Variants in TSGA10IP observed in about 807,000 individuals in gnomAD.
TSGA10IP encodes the protein testis-specific protein 10-interacting protein.
Under a neutral mutation model 63.2 loss-of-function variants are expected in TSGA10IP, and 64 were observed. That is an observed-to-expected ratio of 1.01 (90% CI 0.83 to 1.25). The LOEUF (loss-of-function observed/expected upper bound fraction) is 1.25. TSGA10IP is among the 50% of genes most tolerant of loss of function. The probability of loss-of-function intolerance (pLI) is 0.00; values close to 1 mark genes in which losing one functional copy is unlikely to be tolerated. For missense variants in TSGA10IP, 681 were observed against 710.1 expected (o/e 0.96, Z 0.47); for synonymous variants, 316 against 298.3 (o/e 1.06, Z -0.61).
chr11:65,953,754 T>A lies in TSGA10IP; in HGVS notation c.1322+17T>A. 1 of 1,496,480 alleles carries A rather than the reference T, an allele frequency of 6.7e-7. No individual in the cohort carries two copies. 92.7% of individuals were successfully genotyped at this position (1,496,480 alleles called of 1,614,324 possible). A position where few individuals can be genotyped will look rare whatever the true frequency, so the allele number is the denominator to read the frequency against. On this transcript the variant is annotated intron_variant, in intron 5 of 7. Transcript: ENST00000532620. ...GGAGCTGAGGTAGGGAGCCTGGGCT[T>A]CGGGAGGCCTGGTTGGGAGAGGGCA...
rs753805421 is a variant in TSGA10IP at position 65,959,768 on chromosome 11, C to T, written c.1548-49C>T. The stretch of plus-strand genomic sequence containing the variant: ...CCACATTGTCAGTGGTTTCCTTGGG[C>T]ATGGGGGTGGGAGCTGCAGAGTCAG... On this transcript the variant is annotated intron_variant, in intron 7 of 7. Coordinates refer to ENST00000532620, the Ensembl canonical transcript of TSGA10IP. 38 of 1,517,008 alleles carry T rather than the reference C, an allele frequency of 2.5e-5. No homozygotes were observed. The African/African-American group carries it at 4.7e-4, about 19-fold the overall frequency. The allele number at this position is 1,517,008 out of a possible 1,614,324, so 94.0% of individuals were successfully genotyped here. A position where few individuals can be genotyped will look rare whatever the true frequency, so the allele number is the denominator to read the frequency against.
At chr11:65,948,738 C>G (rs903458248) in intron 4 of TSGA10IP, among the ~76,000 whole-genome samples, 1 of 152,180 alleles carries the variant, frequency 6.6e-6, no homozygotes, top group Non-Finnish European at 1.5e-5. Context: ...CTTTGGGAGG[C>G]CAAGGCGTGT....
At chr11:65,959,240 A>G in exon 7 of TSGA10IP, 1 of 1,609,480 alleles carries the variant, frequency 6.2e-7, no homozygotes, top group Non-Finnish European at 8.5e-7. Context: ...TGCTGTCAGC[A>G]CTGGGGCTGG....
At chr11:65,950,344 G>A (rs1221070403) in intron 4 of TSGA10IP, among the ~76,000 whole-genome samples, 1 of 152,042 alleles carries the variant, frequency 6.6e-6, no homozygotes, top group Non-Finnish European at 1.5e-5. Flanking sequence ...AACCCAGTGA[G>A]GACTTGGTAA....
chr11:65,952,437 G>T (rs1313116037), intron 4 of TSGA10IP, among the ~76,000 whole-genome samples: 1 of 149,196 alleles, frequency 6.7e-6, no homozygotes, highest in Admixed American at 6.6e-5. Flanking sequence ...TGTGTGTGTG[G>T]TGTGTGTGTG....
chr11:65,952,435 T>G (rs964907827), intron 4 of TSGA10IP, among the ~76,000 whole-genome samples: 5 of 151,344 alleles, frequency 3.3e-5, no homozygotes, highest in African/African-American at 9.7e-5. Context: ...TGTGTGTGTG[T>G]GGTGTGTGTG....
intron 4 of TSGA10IP, among the ~76,000 whole-genome samples, chr11:65,950,029 T>A (rs1854917556): frequency 6.6e-6 from 1 of 151,426 alleles, no homozygotes; most frequent in African/African-American, 2.4e-5. Flanking sequence ...ATTTTTGTAT[T>A]TTTAATAGAG....
chr11:65,947,205 C>T (rs751538239), exon 3 of TSGA10IP: 2 of 1,607,808 alleles, frequency 1.2e-6, no homozygotes, highest in South Asian at 2.2e-5. Flanking sequence ...CAGCCAAGCT[C>T]CCCAACCCCT....
At position 65,945,837 on chromosome 11, in the gene TSGA10IP, G is replaced by A; in HGVS notation, c.147+15G>A. ...AGGACAAGCAGGTGAGGGAGGCCCAGTGAGGACACTTCCAGCTGCCTAGAG... is the reference window on the plus strand; with the variant it reads ...AGGACAAGCAGGTGAGGGAGGCCCAATGAGGACACTTCCAGCTGCCTAGAG... On this transcript the variant is annotated intron_variant, in intron 1 of 7. Coordinates refer to ENST00000532620, the Ensembl canonical transcript of TSGA10IP. The A allele has an allele frequency of 1.2e-6, 2 of 1,612,612 alleles. No individual in the cohort carries two copies. The highest frequency in any genetic ancestry group is 1.7e-6 in the Non-Finnish European group (2 of 1,179,096).
intron 4 of TSGA10IP, among the ~76,000 whole-genome samples, chr11:65,949,850 GTTT>G (rs377116599): frequency 2.0e-5 from 2 of 101,702 alleles, no homozygotes; most frequent in South Asian, 3.0e-4. Context: ...CATTACCTCG[GTTT>G]TTTTTTTTTT....
At chr11:65,952,757 G>A (rs916656483) in intron 4 of TSGA10IP, among the ~76,000 whole-genome samples, 1 of 150,172 alleles carries the variant, frequency 6.7e-6, no homozygotes, top group Non-Finnish European at 1.5e-5. Context: ...CAAACTCCTG[G>A]GCTCAAGCGA....
At chr11:65,946,845 A>G in intron 1 of TSGA10IP, 35 bp from the exon 2 acceptor site, 4 of 1,607,768 alleles carry the variant, frequency 2.5e-6, no homozygotes, top group Non-Finnish European at 3.4e-6. Flanking sequence ...GAGGCTGCTC[A>G]AGCTGGCTGC....
intron 5 of TSGA10IP, among the ~76,000 whole-genome samples, chr11:65,955,230 G>GT (rs796144132): frequency 8.7e-5 from 13 of 148,762 alleles, no homozygotes; most frequent in East Asian, 2.0e-4. Flanking sequence ...AGGGGCTTTT[G>GT]TTTTTTTTTT....
At chr11:65,947,617 C>T (rs1303842312) in exon 3 of TSGA10IP, 6 of 1,613,682 alleles carry the variant, frequency 3.7e-6, no homozygotes, top group Non-Finnish European at 5.1e-6. Context: ...ACAGGACTCC[C>T]TGCAGAAGGA....
At chr11:65,959,369 G>A (rs1855079363) in intron 7 of TSGA10IP, 55 bp downstream of exon 7, 2 of 1,591,612 alleles carry the variant, frequency 1.3e-6, no homozygotes, top group Admixed American at 1.8e-5. Context: ...GCGGGAAGGG[G>A]CGCCCACACC....
chr11:65,959,250 G>A (rs780044330), exon 7 of TSGA10IP: 1 of 1,610,196 alleles, frequency 6.2e-7, no homozygotes. Context: ...ACTGGGGCTG[G>A]ATGAGGAGCA....
chr11:65,949,850 G>GTTTTTTTTTTT (rs377116599), intron 4 of TSGA10IP, among the ~76,000 whole-genome samples: 1 of 101,700 alleles, frequency 9.8e-6, no homozygotes, highest in African/African-American at 3.9e-5. Context: ...CATTACCTCG[G>GTTTTTTTTTTT]TTTTTTTTTT....
At chr11:65,949,703 C>G (rs1854910063) in intron 4 of TSGA10IP, among the ~76,000 whole-genome samples, 1 of 151,910 alleles carries the variant, frequency 6.6e-6, no homozygotes, top group Non-Finnish European at 1.5e-5. Flanking sequence ...GCATGAGCCA[C>G]TGCGCCCAGC....
chr11:65,956,007 G>A (rs1213335974), intron 5 of TSGA10IP, among the ~76,000 whole-genome samples: 1 of 152,144 alleles, frequency 6.6e-6, no homozygotes, highest in African/African-American at 2.4e-5. Context: ...TGGGTGCAGC[G>A]GGCGCAGGGC....
Sources: gnomAD v4.1 joint callset for allele counts (sites outside exome capture counted in the v4.1 genomes callset) on GRCh38, gnomAD v4.1.1 for gene constraint, MANE v1.5 for transcripts, NCBI Gene and HGNC (gene_info 2026-07-23, HGNC 2026-07-21) for gene names.